SMG6: variants seen among roughly 807,000 people sequenced by gnomAD.
The protein encoded by SMG6 is telomerase-binding protein EST1A.
In SMG6, 66 loss-of-function variants were observed where a neutral mutation model predicts 142.2. That is an observed-to-expected ratio of 0.46 (90% confidence interval 0.38 to 0.57). SMG6 has a LOEUF of 0.57. Ranked by LOEUF, SMG6 falls within the 20% of genes least tolerant of loss-of-function variation. The pLI is 0.00. For missense variants in SMG6, 1,793 were observed against 1,832.0 expected, an observed-to-expected ratio of 0.98 and a Z score of 0.39; for synonymous variants, 779 against 702.4, an observed-to-expected ratio of 1.11 and a Z score of -1.72.
Position 2,299,047 on chromosome 17 carries a change from A to G in SMG6, c.1706T>C (p.Val569Ala). 1.2e-6 allele frequency: 2 copies of G among 1,613,988 alleles called. No individual in the cohort carries two copies. The highest frequency in any genetic ancestry group is 8.5e-7 in the Non-Finnish European group (1 of 1,180,010). ...CTGCAGGTTCCTCATGTGCTGCTCT[A>G]CCTCCTCGGGACTCATGGTGCTGGT... ...LPTSTMSPEE[V>A]EQHMRNLQQQ... The change falls in exon 2 of 19, where the codon GTA (valine) becomes GCA (alanine). Residue 569 changes from valine (V) to alanine (A), a missense_variant. Val to Ala is a moderately conservative substitution (Grantham distance 64). Transcript: ENST00000263073. The surrounding 1 kb of genome is among the most constrained non-coding windows in gnomAD (Gnocchi z 4.3).
intron 10 of SMG6, among the ~76,000 whole-genome samples, chr17:2,218,920 G>A (rs1370239761): frequency 1.3e-5 from 2 of 152,168 alleles, no homozygotes; most frequent in Non-Finnish European, 2.9e-5. Flanking sequence ...TTTATGTTGT[G>A]GGAGACAAGA....
At chr17:2,270,623 T>G (rs989512185) in intron 8 of SMG6, among the ~76,000 whole-genome samples, 4 of 152,068 alleles carry the variant, frequency 2.6e-5, no homozygotes, top group Admixed American at 6.6e-5. Flanking sequence ...AAAAAAAAAT[T>G]CTTCAACTAA....
intron 8 of SMG6, among the ~76,000 whole-genome samples, chr17:2,270,216 A>G (rs1346649121): frequency 1.3e-5 from 2 of 152,200 alleles, no homozygotes; most frequent in African/African-American, 2.4e-5. Context: ...AATAGGGAAA[A>G]AAAAAGGTGA....
intron 8 of SMG6, among the ~76,000 whole-genome samples, chr17:2,262,755 A>T (rs958708132): frequency 1.4e-4 from 22 of 152,058 alleles, no homozygotes; most frequent in African/African-American, 4.6e-4. Context: ...TTCTTACTAG[A>T]CTGTGTTTTT....
chr17:2,121,626 TGTGTGTGTGTGTGTGTGTGTAG>T (rs2069700791), intron 13 of SMG6, among the ~76,000 whole-genome samples: 1 of 65,716 alleles, frequency 1.5e-5, no homozygotes, highest in Non-Finnish European at 2.9e-5. Flanking sequence ...TGTGTGTGTG[TGTGTGTGTGTGTGTGTGTGTAG>T]AGAGAGAGAG....
intron 8 of SMG6, among the ~76,000 whole-genome samples, chr17:2,252,239 G>A (rs1013673890): frequency 4.1e-4 from 63 of 151,918 alleles, no homozygotes; most frequent in African/African-American, 1.4e-3. Flanking sequence ...GTGAAACCCC[G>A]TCTCTACTAA....
chr17:2,291,920 C>T (rs77981700), intron 6 of SMG6, among the ~76,000 whole-genome samples: 26 of 151,240 alleles, frequency 1.7e-4, no homozygotes, highest in Middle Eastern at 3.4e-3. Flanking sequence ...TTGTTTCTTA[C>T]GATGGAACCT....
chr17:2,200,542 T>A (rs1329103781), intron 10 of SMG6, among the ~76,000 whole-genome samples: 1 of 150,326 alleles, frequency 6.7e-6, no homozygotes, highest in South Asian at 2.1e-4. Context: ...AAAAAAAAAC[T>A]TTTTGTAGAG....
At chr17:2,300,770 GCAAGAATTA>G in intron 1 of SMG6, 106 bp from the exon 2 acceptor site, 1 of 1,039,202 alleles carries the variant, frequency 9.6e-7, no homozygotes, top group Non-Finnish European at 1.4e-6. Flanking sequence ...AAAAAGTCGA[GCAAGAATTA>G]CATATCCAAA....
chr17:2,115,942 A>C (rs2069491356), intron 13 of SMG6, among the ~76,000 whole-genome samples: 1 of 152,196 alleles, frequency 6.6e-6, no homozygotes, highest in South Asian at 2.1e-4. Context: ...CATGGATGGA[A>C]GCAGTCCTCC....
At position 2,074,487 on chromosome 17, in the gene SMG6, GA is replaced by G. The variant is rs1198894123; in HGVS notation, c.3682-5557del. ...TCTTCATTTGGGGTACACTGCAAATGAAAAACTGCTGCTTAGAACTCCTTTT... is the reference window on the plus strand; with the variant it reads ...TCTTCATTTGGGGTACACTGCAAATGAAAACTGCTGCTTAGAACTCCTTTT... On this transcript the variant is annotated intron_variant, in intron 15 of 18. Coordinates refer to ENST00000263073, the MANE Select transcript of SMG6 (RefSeq NM_017575.5). Among the ~76,000 whole-genome samples, 6 of 152,292 alleles carry G rather than the reference GA, an allele frequency of 3.9e-5. No individual in the cohort carries two copies. The South Asian group carries it at 1.2e-3, about 32-fold the overall frequency.
intron 13 of SMG6, among the ~76,000 whole-genome samples, chr17:2,150,102 G>C (rs940466508): frequency 6.6e-6 from 1 of 152,216 alleles, no homozygotes; most frequent in Non-Finnish European, 1.5e-5. Context: ...AGCAGGAAGA[G>C]AGCGGTCAAA....
Position 2,061,634 on chromosome 17 carries a change from A to T in SMG6, c.4130-12T>A. On this transcript the variant is annotated splice_polypyrimidine_tract_variant and intron_variant, in intron 18 of 18. Transcript: ENST00000263073. ...CCGGATTGGCTCCTCTGTGGGCATG[A>T]GAGAGCAGAAGGCTGTCACTGAGGA... is the stretch of plus-strand genomic sequence containing the variant. 6.4e-7 allele frequency: 1 copy of T among 1,566,036 alleles called. No homozygotes were observed. The highest frequency in any genetic ancestry group is 8.7e-7 in the Non-Finnish European group (1 of 1,155,302).
rs190919671 is a variant in SMG6, at chr17:2,204,692, G to A, written c.2870-16177C>T. Among the ~76,000 whole-genome samples, 262 of 152,296 alleles carry A rather than the reference G, an allele frequency of 1.7e-3. 3 individuals carry two copies. The highest frequency in any genetic ancestry group is 0.013 in the Admixed American group (203 of 15,294). Reference sequence around the variant, plus strand: ...AATAATAATGCTTCCAGCTGGGCATGGTGGCTCACGCCTATAATTCCAACA... The same window carrying A: ...AATAATAATGCTTCCAGCTGGGCATAGTGGCTCACGCCTATAATTCCAACA... On this transcript the variant is annotated intron_variant, in intron 10 of 18. Coordinates refer to ENST00000263073, the MANE Select transcript of SMG6 (RefSeq NM_017575.5).
intron 1 of SMG6, chr17:2,303,320 C>T: frequency 8.7e-7 from 1 of 1,151,168 alleles, no homozygotes; most frequent in Non-Finnish European, 1.1e-6. Flanking sequence ...TCCGCGTCTC[C>T]CGATGCCTGG....
chr17:2,188,975 G>A (rs765650282), intron 10 of SMG6, among the ~76,000 whole-genome samples: 1 of 152,100 alleles, frequency 6.6e-6, no homozygotes, highest in Non-Finnish European at 1.5e-5. Context: ...GAACGCGCCC[G>A]ATCTCGTCTA....
intron 8 of SMG6, among the ~76,000 whole-genome samples, chr17:2,245,246 G>C (rs1334570457): frequency 2.6e-5 from 4 of 152,196 alleles, no homozygotes; most frequent in Admixed American, 2.0e-4. Flanking sequence ...TCATGTTCTA[G>C]GTCTGGAGTT....
intron 13 of SMG6, among the ~76,000 whole-genome samples, chr17:2,170,869 A>G (rs909886848): frequency 9.9e-5 from 15 of 152,260 alleles, no homozygotes; most frequent in African/African-American, 3.6e-4. Flanking sequence ...TCTTGGTTCA[A>G]TAAAGCAAAG....
chr17:2,101,592 AC>A (rs1239889114), intron 13 of SMG6: 8 of 152,222 alleles, frequency 5.3e-5, no homozygotes, highest in African/African-American at 1.9e-4. Flanking sequence ...CACCAGCGCT[AC>A]CTTCCTGGAA....
Sources: allele counts gnomAD v4.1 joint callset (sites outside exome capture counted in the v4.1 genomes callset), GRCh38; gene constraint gnomAD v4.1.1; non-coding constraint Gnocchi (gnomAD v3.1); transcripts MANE v1.5; gene names NCBI Gene and HGNC (gene_info 2026-07-23, HGNC 2026-07-21).